ZNF589: variants seen among roughly 807,000 people sequenced by gnomAD.
The protein encoded by ZNF589 is KRAB-zinc finger protein SZF1-1.
Under a neutral mutation model 13.6 loss-of-function variants are expected in ZNF589, and 17 were observed. That is an observed-to-expected ratio of 1.25 (90% CI 0.86 to 1.88). The LOEUF is 1.88. ZNF589 is among the 40% of genes most tolerant of loss of function. The probability of loss-of-function intolerance (pLI) is 0.00; values close to 1 mark genes in which losing one functional copy is unlikely to be tolerated. For synonymous variants in ZNF589, 148 were observed against 161.6 expected (o/e 0.92, Z 0.64); for missense variants, 407 against 434.0 (o/e 0.94, Z 0.55).
At chr3:48,250,669 A>C (rs989009939) in intron 2 of ZNF589, among the ~76,000 whole-genome samples, 1 of 152,094 alleles carries the variant, frequency 6.6e-6, no homozygotes, top group Non-Finnish European at 1.5e-5. Context: ...ACTTGGTTTC[A>C]TCGTGTTGGC....
At chr3:48,252,537 T>A (rs1435359921) in intron 2 of ZNF589, among the ~76,000 whole-genome samples, 1 of 151,936 alleles carries the variant, frequency 6.6e-6, no homozygotes, top group Non-Finnish European at 1.5e-5. Flanking sequence ...AATTTGAAAT[T>A]GAAAGTCTTA....
intron 2 of ZNF589, chr3:48,256,852 C>A: frequency 8.3e-7 from 1 of 1,208,210 alleles, no homozygotes. Flanking sequence ...GAGCTGGAAG[C>A]TGAGACCAGC....
chr3:48,256,887 GC>G, intron 2 of ZNF589: 1 of 927,422 alleles, frequency 1.1e-6, no homozygotes, highest in Non-Finnish European at 1.7e-6. Flanking sequence ...CCTGCTAGGA[GC>G]CCACACGGAA....
chr3:48,256,844 G>T, intron 2 of ZNF589: 1 of 1,317,762 alleles, frequency 7.6e-7, no homozygotes, highest in Non-Finnish European at 1.1e-6. Context: ...GAAACCACGA[G>T]CTGGAAGCTG....
chr3:48,246,858 T>C (rs936886988), intron 1 of ZNF589, among the ~76,000 whole-genome samples: 2 of 151,256 alleles, frequency 1.3e-5, no homozygotes, highest in Admixed American at 6.6e-5. Flanking sequence ...TCAGTAGAGA[T>C]GGGGTTTCAC....
rs748948923 is a variant in ZNF589 at position 48,268,837 on chromosome 3, T to C, written c.*51T>C. On this transcript the variant is annotated 3_prime_UTR_variant, in exon 4 of 4. Coordinates refer to ENST00000354698, the MANE Select transcript of ZNF589 (RefSeq NM_016089.3). ...GTCTCAACACACACCAGAGGATACA[T>C]TCAGATGAGAAGCCTTTTGTTTGCA... 2.7e-6 allele frequency: 4 copies of C among 1,493,234 alleles called. No individual in the cohort carries two copies. The allele number at this position is 1,493,234 out of a possible 1,614,324, so 92.5% of individuals were successfully genotyped here.
chr3:48,264,841 A>G (rs2034003085), intron 3 of ZNF589, among the ~76,000 whole-genome samples: 1 of 151,948 alleles, frequency 6.6e-6, no homozygotes. Flanking sequence ...ATAAATAAAT[A>G]AAATAAAATA....
intron 1 of ZNF589, among the ~76,000 whole-genome samples, chr3:48,242,038 CT>C (rs936031278): frequency 3.3e-5 from 5 of 152,132 alleles, no homozygotes; most frequent in Non-Finnish European, 5.9e-5. Context: ...TCTCGAACTC[CT>C]GGCCTCAAGC....
At chr3:48,258,407 T>C (rs1018164503) in intron 2 of ZNF589, among the ~76,000 whole-genome samples, 6 of 152,210 alleles carry the variant, frequency 3.9e-5, no homozygotes, top group African/African-American at 1.2e-4. Flanking sequence ...TTATTAGTTA[T>C]ATGATCATTT....
intron 3 of ZNF589, among the ~76,000 whole-genome samples, chr3:48,263,604 A>C (rs184138693): frequency 2.1e-4 from 32 of 152,192 alleles, no homozygotes; most frequent in Non-Finnish European, 3.8e-4. Context: ...AAACAAAAAC[A>C]AAAAAACAGG....
chr3:48,260,999 G>A (rs2033965407), intron 3 of ZNF589, 60 bp downstream of exon 3: 7 of 1,572,550 alleles, frequency 4.5e-6, no homozygotes, highest in Non-Finnish European at 6.1e-6. Context: ...CATATTCAGT[G>A]TGCCAGCCAA....
At chr3:48,243,678 G>A (rs1239824339) in intron 1 of ZNF589, among the ~76,000 whole-genome samples, 1 of 151,982 alleles carries the variant, frequency 6.6e-6, no homozygotes, top group African/African-American at 2.4e-5. Flanking sequence ...GGGCTTGGTG[G>A]TGCGCGCTTG....
At chr3:48,246,920 G>A (rs1004885683) in intron 1 of ZNF589, among the ~76,000 whole-genome samples, 6 of 150,020 alleles carry the variant, frequency 4.0e-5, no homozygotes, top group African/African-American at 1.5e-4. Context: ...GGCCTGCCTC[G>A]GCCTCCCAAA....
intron 3 of ZNF589, among the ~76,000 whole-genome samples, chr3:48,264,589 G>A (rs2034000546): frequency 6.6e-6 from 1 of 151,952 alleles, no homozygotes; most frequent in Non-Finnish European, 1.5e-5. Flanking sequence ...TGCTCTTTGG[G>A]AGGCTGAGGC....
At chr3:48,256,400 G>C in intron 2 of ZNF589, 1 of 567,840 alleles carries the variant, frequency 1.8e-6, no homozygotes, top group Non-Finnish European at 3.4e-6. Context: ...TCCCTCAGGA[G>C]GGTTGACCCC....
At chr3:48,262,103 T>G (rs2106845358) in intron 3 of ZNF589, among the ~76,000 whole-genome samples, 1 of 152,354 alleles carries the variant, frequency 6.6e-6, no homozygotes, top group East Asian at 1.9e-4. Flanking sequence ...TTTCTCTTAT[T>G]GCTGAATTAT....
rs1219704740 is a variant in ZNF589, at chr3:48,268,746, G to C, written c.1055G>C (p.Arg352Thr). ...REKSELIKHQ[R>T]IHTGDKPYVC... ...AAGTCAGAGCTCATTAAGCACCAGA[G>C]AATTCACACGGGGGATAAGCCTTAT... Residue 352 changes from arginine to threonine, a missense_variant, in exon 4 of 4, where the codon AGA becomes ACA. By Grantham distance (71) the Arg-to-Thr change is moderately conservative (BLOSUM62 -1). Coordinates refer to ENST00000354698, the MANE Select transcript of ZNF589 (RefSeq NM_016089.3). The C allele has an allele frequency of 1.9e-6, 3 of 1,614,112 alleles. No individual in the cohort carries two copies. The highest frequency in any genetic ancestry group is 3.3e-4 in the Middle Eastern group (2 of 6,062).
chr3:48,256,744 G>T (rs915656756), intron 2 of ZNF589: 6 of 1,603,568 alleles, frequency 3.7e-6, no homozygotes, highest in Non-Finnish European at 4.3e-6. Flanking sequence ...GGCCAGAGGG[G>T]TTAGGAGGAT....
At chr3:48,266,588 G>A (rs1001808994) in intron 3 of ZNF589, among the ~76,000 whole-genome samples, 2 of 152,216 alleles carry the variant, frequency 1.3e-5, no homozygotes, top group African/African-American at 2.4e-5. Flanking sequence ...CACTTTGGGA[G>A]GCCAACCAAG....
Sources: gnomAD v4.1 joint callset for allele counts (sites outside exome capture counted in the v4.1 genomes callset) on GRCh38, gnomAD v4.1.1 for gene constraint, MANE v1.5 for transcripts, NCBI Gene and HGNC (gene_info 2026-07-23, HGNC 2026-07-21) for gene names.